The following PSMA3 variants were observed in gnomAD, a reference collection of about 807,000 sequenced individuals.
PSMA3 encodes proteasome 20S subunit alpha 3.
A neutral mutation model predicts 40.0 loss-of-function variants in PSMA3; 8 were observed. The observed-to-expected ratio is 0.20, with a 90% CI of 0.12 to 0.36. PSMA3 has a LOEUF of 0.36. Among genes scored for constraint, PSMA3 ranks in the 10% least tolerant of loss-of-function variants. PSMA3 has a pLI of 1.00. For missense variants in PSMA3, 219 were observed against 310.6 expected, an observed-to-expected ratio of 0.70 and a Z score of 2.22; for synonymous variants, 110 against 100.0, an observed-to-expected ratio of 1.10 and a Z score of -0.59.
intron 7 of PSMA3, chr14:58,264,758 T>TA (rs1418741028): frequency 6.6e-6 from 1 of 152,180 alleles, no homozygotes; most frequent in Non-Finnish European, 1.5e-5. Flanking sequence ...AAAAGGATCT[T>TA]AGAGGTCATT....
chr14:58,247,965 T>G, intron 2 of PSMA3, 133 bp downstream of exon 2: 1 of 600,526 alleles, frequency 1.7e-6, no homozygotes. Context: ...TCCAGATCTC[T>G]TTCTAGGCCA....
chr14:58,245,172 C>G (rs1474364115), intron 1 of PSMA3: 1 of 559,008 alleles, frequency 1.8e-6, no homozygotes, highest in Non-Finnish European at 3.2e-6. Flanking sequence ...GCCGGCTTGG[C>G]GTCGCCGCAG....
At chr14:58,269,190 C>T (rs891574153) in intron 8 of PSMA3, among the ~76,000 whole-genome samples, 7 of 152,058 alleles carry the variant, frequency 4.6e-5, no homozygotes, top group African/African-American at 1.7e-4. Flanking sequence ...CCTTGGCCTC[C>T]CAAAGTGCTG....
chr14:58,247,699 T>A, intron 1 of PSMA3, 51 bp from the exon 2 acceptor site: 1 of 1,236,204 alleles, frequency 8.1e-7, no homozygotes, highest in Non-Finnish European at 1.2e-6. Flanking sequence ...AGAAACTGTA[T>A]GGTCATTACT....
chr14:58,271,965 A>G lies in PSMA3; in HGVS notation c.*70A>G. On this transcript the variant is annotated 3_prime_UTR_variant, in exon 11 of 11. Coordinates refer to ENST00000216455, the MANE Select transcript of PSMA3 (RefSeq NM_002788.4). ...CAATGTAACTATTTAGCCCTGGATT[A>G]TACATACTGTCCAATTTTCATTAAA... is the stretch of plus-strand genomic sequence containing the variant. The G allele has an allele frequency of 8.9e-7, 1 of 1,121,692 alleles. No homozygotes were observed. The highest frequency in any genetic ancestry group is 2.1e-5 in the Admixed American group (1 of 47,948). The allele number at this position is 1,121,692 out of a possible 1,614,324, so 69.5% of individuals were successfully genotyped here. A position where few individuals can be genotyped will look rare whatever the true frequency, so the allele number is the denominator to read the frequency against.
chr14:58,247,782 C>T lies in PSMA3; in HGVS notation c.54C>T (p.Asp18=), dbSNP rs568141801. Residue 18 remains aspartate (D), a synonymous_variant, in exon 2 of 11, where the codon GAC becomes GAT. Coordinates refer to ENST00000216455, the MANE Select transcript of PSMA3 (RefSeq NM_002788.4). ...YDLSASTFSP[D]GRVFQVEYAM... ...TGTCAGCCTCTACATTCTCTCCTGA[C>T]GGAAGAGTTTTTCAAGTTGAATATG... 9.2e-5 allele frequency: 148 copies of T among 1,608,818 alleles called. No homozygotes were observed. In the South Asian group the frequency reaches 1.5e-3, roughly 16 times the overall value.
intron 3 of PSMA3, among the ~76,000 whole-genome samples, chr14:58,252,568 A>G (rs1890036585): frequency 6.9e-6 from 1 of 143,964 alleles, no homozygotes; most frequent in Non-Finnish European, 1.6e-5. Context: ...ATCACTGTCA[A>G]AGTAAAGATG....
chr14:58,263,213 G>A (rs1890333858), intron 6 of PSMA3, among the ~76,000 whole-genome samples: 1 of 151,976 alleles, frequency 6.6e-6, no homozygotes, highest in African/African-American at 2.4e-5. Flanking sequence ...TCCAACTCCT[G>A]ACCTGAGGTG....
chr14:58,257,759 G>C lies in PSMA3; in HGVS notation c.243G>C (p.Leu81Phe). ...DRHVGMAVAG[L>F]LADARSLADI... ...TTTTTTTTCAGGCAGTAGCAGGTTT[G>C]TTGGCAGATGCTCGTTCTTTAGCAG... Residue 81 changes from leucine (L) to phenylalanine (F), a missense_variant, in exon 4 of 11, where the codon TTG becomes TTC. By Grantham distance (22) the Leu-to-Phe change is conservative. Transcript: ENST00000216455. 3.1e-6 allele frequency: 5 copies of C among 1,610,828 alleles called. No individual in the cohort carries two copies. The highest frequency in any genetic ancestry group is 4.2e-6 in the Non-Finnish European group (5 of 1,177,596).
At chr14:58,262,700 T>G (rs1446436124) in intron 6 of PSMA3, among the ~76,000 whole-genome samples, 1 of 151,582 alleles carries the variant, frequency 6.6e-6, no homozygotes, top group Non-Finnish European at 1.5e-5. Context: ...GTAGCTGGGA[T>G]TACAGGCCTG....
At chr14:58,270,571 A>G (rs1362186691) in intron 9 of PSMA3, 86 bp downstream of exon 9, 1 of 1,575,904 alleles carries the variant, frequency 6.3e-7, no homozygotes, top group Non-Finnish European at 8.6e-7. Context: ...TAATATAATG[A>G]AAGCTAAAGC....
At position 58,263,760 on chromosome 14, in the gene PSMA3, A is replaced by G; in HGVS notation, c.533A>G (p.Glu178Gly). The change falls in exon 7 of 11, where the codon GAG becomes GGG. Residue 178 changes from glutamate to glycine, a missense_variant. Coordinates refer to ENST00000216455, the MANE Select transcript of PSMA3 (RefSeq NM_002788.4). ...KARQAAKTEI[E>G]KLQMKEMTCR... ...AGGCAAGCTGCAAAGACGGAAATAG[A>G]GAAGCTTCAGGTAATAATTAATGCT... 6.2e-7 allele frequency: 1 copy of G among 1,613,834 alleles called. No homozygotes were observed. The highest frequency in any genetic ancestry group is 8.5e-7 in the Non-Finnish European group (1 of 1,179,848).
chr14:58,263,680 ATTATATATATTT>A lies in PSMA3; in HGVS notation c.478-22_478-11del. ...CATATGATAGTGTACTAATTCAGTG[ATTATATATATTT>A]TTTTCTAAATAGGGTTATTGGGGCT... On this transcript the variant is annotated splice_polypyrimidine_tract_variant and intron_variant, in intron 6 of 10. Coordinates refer to ENST00000216455, the MANE Select transcript of PSMA3 (RefSeq NM_002788.4). The A allele has an allele frequency of 6.3e-7, 1 of 1,575,406 alleles. No individual in the cohort carries two copies. Among genetic ancestry groups the A allele is most frequent in the Non-Finnish European group, 8.7e-7 (1 of 1,145,928 alleles).
intron 9 of PSMA3, 143 bp from the exon 10 acceptor site, chr14:58,270,791 A>G: frequency 1.2e-6 from 1 of 806,570 alleles, no homozygotes; most frequent in Non-Finnish European, 1.9e-6. Context: ...GCAGCACACA[A>G]AAATATTCGA....
At chr14:58,262,101 TGTATTTTTA>T (rs1488853164) in intron 6 of PSMA3, among the ~76,000 whole-genome samples, 1 of 152,176 alleles carries the variant, frequency 6.6e-6, no homozygotes, top group Non-Finnish European at 1.5e-5. Flanking sequence ...GGTTAATTTT[TGTATTTTTA>T]GTACAGATGG....
At chr14:58,260,909 T>C (rs1348404645) in intron 5 of PSMA3, 39 bp from the exon 6 acceptor site, 3 of 1,408,768 alleles carry the variant, frequency 2.1e-6, no homozygotes, top group Non-Finnish European at 3.0e-6. Flanking sequence ...ACTTTTATGT[T>C]ATTGCCATGG....
intron 3 of PSMA3, among the ~76,000 whole-genome samples, chr14:58,255,787 A>G (rs1224364934): frequency 6.6e-6 from 1 of 152,214 alleles, no homozygotes; most frequent in African/African-American, 2.4e-5. Flanking sequence ...AAGATATGCC[A>G]CACTAACATG....
intron 9 of PSMA3, among the ~76,000 whole-genome samples, chr14:58,270,712 A>G (rs1462734623): frequency 6.6e-6 from 1 of 152,250 alleles, no homozygotes; most frequent in Non-Finnish European, 1.5e-5. Flanking sequence ...CTCAGGATTT[A>G]TAAATAGCAT....
At chr14:58,262,892 T>G (rs1012466551) in intron 6 of PSMA3, among the ~76,000 whole-genome samples, 1 of 152,086 alleles carries the variant, frequency 6.6e-6, no homozygotes, top group Admixed American at 6.5e-5. Context: ...TTAACTGTTT[T>G]CTTATCCTTA....
Sources: allele counts gnomAD v4.1 joint callset (sites outside exome capture counted in the v4.1 genomes callset), GRCh38; gene constraint gnomAD v4.1.1; transcripts MANE v1.5; gene names NCBI Gene and HGNC (gene_info 2026-07-23, HGNC 2026-07-21).